TLL1: variants seen among roughly 807,000 people sequenced by gnomAD.
The protein encoded by TLL1 is tolloid like 1.
A neutral mutation model predicts 128.2 loss-of-function variants in TLL1; 49 were observed. The ratio of observed to expected loss-of-function variants is 0.38; its 90% CI spans 0.30 to 0.48. The LOEUF is 0.48. TLL1 is among the 20% of genes least tolerant of loss of function. TLL1 has a pLI of 0.96. For synonymous variants in TLL1, 454 were observed against 418.8 expected (o/e 1.08, Z -1.03); for missense variants, 1,123 against 1,242.0 (o/e 0.90, Z 1.44).
intron 1 of TLL1, among the ~76,000 whole-genome samples, chr4:165,933,471 C>T (rs991856063): frequency 6.6e-6 from 1 of 152,150 alleles, no homozygotes; most frequent in African/African-American, 2.4e-5. Flanking sequence ...TGGCGCATCT[C>T]GAGGTCTGCA....
chr4:165,883,464 G>A (rs543706509), intron 1 of TLL1, among the ~76,000 whole-genome samples: 12 of 152,262 alleles, frequency 7.9e-5, no homozygotes, highest in East Asian at 3.9e-4. Flanking sequence ...TAATAACCAT[G>A]TGTGGCTTTC....
At chr4:165,892,639 G>C (rs779681878) in intron 1 of TLL1, among the ~76,000 whole-genome samples, 1 of 152,022 alleles carries the variant, frequency 6.6e-6, no homozygotes, top group Non-Finnish European at 1.5e-5. Flanking sequence ...TCATTAATCT[G>C]AAAATCAGGA....
At chr4:166,084,036 C>T (rs1004569902) in intron 18 of TLL1, among the ~76,000 whole-genome samples, 1 of 152,138 alleles carries the variant, frequency 6.6e-6, no homozygotes, top group Non-Finnish European at 1.5e-5. Flanking sequence ...TCTCCACATC[C>T]TCACCAACAC....
intron 1 of TLL1, among the ~76,000 whole-genome samples, chr4:165,887,977 A>C (rs991342596): frequency 6.6e-6 from 1 of 152,196 alleles, no homozygotes; most frequent in African/African-American, 2.4e-5. Context: ...AATGTGTTTG[A>C]TTTTTTATAT....
At chr4:166,033,075 T>C (rs535474884) in intron 9 of TLL1, among the ~76,000 whole-genome samples, 1 of 152,252 alleles carries the variant, frequency 6.6e-6, no homozygotes, top group African/African-American at 2.4e-5. Context: ...AAAGATAGAA[T>C]TGAATGTTAA....
chr4:165,976,117 C>G (rs544792680), intron 1 of TLL1, among the ~76,000 whole-genome samples: 5 of 145,390 alleles, frequency 3.4e-5, no homozygotes, highest in Non-Finnish European at 6.0e-5. Context: ...GGTTTGGATT[C>G]TAGCATTTAG....
intron 1 of TLL1, among the ~76,000 whole-genome samples, chr4:165,940,106 T>C (rs1733940164): frequency 6.6e-6 from 1 of 152,058 alleles, no homozygotes; most frequent in Non-Finnish European, 1.5e-5. Flanking sequence ...CTATCACATC[T>C]AGCATTGACC....
At chr4:165,990,875 A>G (rs1000060563) in intron 2 of TLL1, among the ~76,000 whole-genome samples, 6 of 152,020 alleles carry the variant, frequency 3.9e-5, no homozygotes, top group Non-Finnish European at 5.9e-5. Context: ...TCTAAAACAT[A>G]TATCAGTATG....
At chr4:165,876,024 C>T (rs1438308536) in intron 1 of TLL1, among the ~76,000 whole-genome samples, 1 of 152,086 alleles carries the variant, frequency 6.6e-6, no homozygotes, top group Admixed American at 6.5e-5. Context: ...TGGATTATTA[C>T]CCTAATCTTA....
At chr4:165,921,949 G>A (rs923547721) in intron 1 of TLL1, among the ~76,000 whole-genome samples, 1 of 129,442 alleles carries the variant, frequency 7.7e-6, no homozygotes, top group Non-Finnish European at 1.6e-5. Context: ...AAGAAATACA[G>A]AGAAACCTGA....
intron 1 of TLL1, among the ~76,000 whole-genome samples, chr4:165,888,663 C>G (rs1731266725): frequency 1.3e-5 from 2 of 151,884 alleles, no homozygotes; most frequent in Non-Finnish European, 2.9e-5. Context: ...GACCTATTAC[C>G]TATTTTGGGT....
chr4:166,002,257 A>G (rs1477545905), intron 5 of TLL1, among the ~76,000 whole-genome samples: 1 of 151,982 alleles, frequency 6.6e-6, no homozygotes, highest in East Asian at 1.9e-4. Context: ...TCTCTTCATA[A>G]AGGCAGAGTC....
intron 9 of TLL1, among the ~76,000 whole-genome samples, chr4:166,026,463 G>A (rs1235327306): frequency 1.3e-5 from 2 of 152,118 alleles, no homozygotes; most frequent in African/African-American, 4.8e-5. Context: ...GAGGAGGGTG[G>A]ATCACCTGAG....
At chr4:166,091,022 G>A in intron 18 of TLL1, 106 bp from the exon 19 acceptor site, 2 of 851,830 alleles carry the variant, frequency 2.3e-6, no homozygotes, top group African/African-American at 1.7e-5. Context: ...TAAATTATTA[G>A]TATGCCCTGA....
Position 166,099,326 on chromosome 4 carries a change from A to T in TLL1, c.2706A>T (p.Ser902=). The part of the protein sequence containing the change: ...KAESKPRDLY[S]HAQFGDNNYP... ...AATCAAAACCAAGAGATCTGTACTC[A>T]CATGCTCAGTTTGGTGATAACAACT... The change falls in exon 20 of 21, where the codon TCA becomes TCT. Residue 902 remains serine, a synonymous_variant. Transcript: ENST00000061240. The T allele has an allele frequency of 4.3e-6, 7 of 1,613,614 alleles. No homozygotes were observed. Among genetic ancestry groups the T allele is most frequent in the Non-Finnish European group, 5.9e-6 (7 of 1,179,670 alleles).
chr4:165,971,295 C>T (rs958383159), intron 1 of TLL1, among the ~76,000 whole-genome samples: 6 of 152,180 alleles, frequency 3.9e-5, no homozygotes, highest in Non-Finnish European at 8.8e-5. Context: ...TAAGCCACTG[C>T]TTGCCATGCC....
At chr4:165,900,425 G>A (rs1731924926) in intron 1 of TLL1, among the ~76,000 whole-genome samples, 1 of 152,100 alleles carries the variant, frequency 6.6e-6, no homozygotes. Context: ...TGTAAGGCAG[G>A]CCTGGTGGTG....
intron 9 of TLL1, among the ~76,000 whole-genome samples, chr4:166,032,272 A>G (rs1738803148): frequency 1.3e-5 from 2 of 152,164 alleles, no homozygotes; most frequent in Non-Finnish European, 2.9e-5. Flanking sequence ...ACAAATTATC[A>G]GTTCTTGTCA....
intron 1 of TLL1, among the ~76,000 whole-genome samples, chr4:165,970,110 G>A (rs1036732258): frequency 2.0e-5 from 3 of 152,124 alleles, no homozygotes; most frequent in African/African-American, 7.2e-5. Flanking sequence ...TAAGGCTGTA[G>A]AAGACCTCTT....
Sources: allele counts gnomAD v4.1 joint callset (sites outside exome capture counted in the v4.1 genomes callset), GRCh38; gene constraint gnomAD v4.1.1; transcripts MANE v1.5; gene names NCBI Gene and HGNC (gene_info 2026-07-23, HGNC 2026-07-21).